Variants in CNTNAP2 observed in about 807,000 individuals in gnomAD.
The protein encoded by CNTNAP2 is contactin associated protein 2.
In CNTNAP2, 98 loss-of-function variants were observed where a neutral mutation model predicts 155.2. The observed-to-expected ratio is 0.63, with a 90% CI of 0.54 to 0.75. The LOEUF is 0.75. Ranked by LOEUF, CNTNAP2 falls within the 30% of genes least tolerant of loss-of-function variation. CNTNAP2 has a pLI of 0.00. For missense variants in CNTNAP2, 1,727 were observed against 1,688.1 expected (o/e 1.02, Z -0.40); for synonymous variants, 651 against 631.2 (o/e 1.03, Z -0.47).
intron 1 of CNTNAP2, among the ~76,000 whole-genome samples, chr7:146,721,338 A>G (rs1340124591): frequency 7.6e-6 from 1 of 131,502 alleles, no homozygotes; most frequent in African/African-American, 2.9e-5. Context: ...CATTCTATAT[A>G]CATTCTATAT....
intron 1 of CNTNAP2, among the ~76,000 whole-genome samples, chr7:146,462,774 C>T (rs543985112): frequency 2.6e-5 from 4 of 152,090 alleles, no homozygotes; most frequent in African/African-American, 9.7e-5. Flanking sequence ...CTCCTTGTAG[C>T]GGGGAATAGT....
intron 1 of CNTNAP2, among the ~76,000 whole-genome samples, chr7:146,737,250 A>G (rs760603164): frequency 2.0e-5 from 3 of 152,148 alleles, no homozygotes; most frequent in Non-Finnish European, 4.4e-5. Flanking sequence ...TAACTATTCT[A>G]TGCATTACCT....
intron 1 of CNTNAP2, among the ~76,000 whole-genome samples, chr7:146,454,596 A>G (rs892325548): frequency 1.6e-4 from 24 of 151,832 alleles, no homozygotes; most frequent in Admixed American, 9.2e-4. Flanking sequence ...GAAGTATTGT[A>G]TAAATTAGTA....
At chr7:147,208,481 G>T (rs1215711884) in intron 8 of CNTNAP2, among the ~76,000 whole-genome samples, 1 of 152,036 alleles carries the variant, frequency 6.6e-6, no homozygotes, top group Non-Finnish European at 1.5e-5. Flanking sequence ...ATGGAAAAGT[G>T]CAGGGTCTAG....
intron 21 of CNTNAP2, among the ~76,000 whole-genome samples, chr7:148,361,618 C>T (rs758939561): frequency 2.8e-4 from 43 of 152,130 alleles, no homozygotes; most frequent in Non-Finnish European, 1.2e-4. Context: ...TGTGTGTCTG[C>T]GTCTTCTCTT....
intron 12 of CNTNAP2, among the ~76,000 whole-genome samples, chr7:147,636,724 A>G (rs1795186715): frequency 6.6e-6 from 1 of 152,110 alleles, no homozygotes; most frequent in Non-Finnish European, 1.5e-5. Context: ...CTCAACTAAT[A>G]TTTCTGAAGC....
chr7:146,964,452 G>A (rs1025460903), intron 3 of CNTNAP2, among the ~76,000 whole-genome samples: 2 of 152,154 alleles, frequency 1.3e-5, no homozygotes, highest in Non-Finnish European at 2.9e-5. Flanking sequence ...ACTGTGTTCA[G>A]CTCCTTAACA....
At chr7:148,217,226 A>G in intron 18 of CNTNAP2, 62 bp from the exon 19 acceptor site, 1 of 1,537,682 alleles carries the variant, frequency 6.5e-7, no homozygotes. Flanking sequence ...TGGAGAGGTC[A>G]TTGTAGGGTA....
rs915871698 is a variant in CNTNAP2 at position 148,368,913 on chromosome 7, A to G, written c.3476-14736A>G. On this transcript the variant is annotated intron_variant, in intron 21 of 23. Transcript: ENST00000361727. The stretch of plus-strand genomic sequence containing the variant: ...CTAGGTCAGGGGTCGAATTTTAACT[A>G]CCAGGCTTAGGTCAGGCGGGCCCAG... Among the ~76,000 whole-genome samples the G allele has an allele frequency of 5.3e-5, 8 of 152,234 alleles. 2 individuals are homozygous for G. The South Asian group carries it at 1.7e-3, about 32-fold the overall frequency.
chr7:146,926,384 C>T (rs1222802290), intron 3 of CNTNAP2, among the ~76,000 whole-genome samples: 5 of 152,030 alleles, frequency 3.3e-5, no homozygotes, highest in African/African-American at 1.2e-4. Context: ...AGAAAAATTT[C>T]CTCTGATATT....
At chr7:146,122,652 C>CCATTCATTCATT (rs10656546) in intron 1 of CNTNAP2, among the ~76,000 whole-genome samples, 42 of 151,124 alleles carry the variant, frequency 2.8e-4, no homozygotes, top group African/African-American at 4.6e-4. Context: ...CCAAACTCTC[C>CCATTCATTCATT]CATTCATTCA....
intron 1 of CNTNAP2, among the ~76,000 whole-genome samples, chr7:146,305,042 T>G (rs1306148096): frequency 6.6e-6 from 1 of 152,134 alleles, no homozygotes; most frequent in African/African-American, 2.4e-5. Flanking sequence ...ACAGACACCT[T>G]TTCTTCCACT....
At chr7:147,177,815 C>T (rs1378709725) in intron 8 of CNTNAP2, among the ~76,000 whole-genome samples, 1 of 152,110 alleles carries the variant, frequency 6.6e-6, no homozygotes, top group African/African-American at 2.4e-5. Context: ...GTAACTCTTA[C>T]TTCAATTTCT....
chr7:146,886,121 G>A (rs1795653405), intron 3 of CNTNAP2, among the ~76,000 whole-genome samples: 1 of 151,804 alleles, frequency 6.6e-6, no homozygotes, highest in Non-Finnish European at 1.5e-5. Flanking sequence ...CCTCAACCCT[G>A]CAATCAAAAC....
At chr7:147,422,361 T>A (rs528364358) in intron 10 of CNTNAP2, among the ~76,000 whole-genome samples, 12 of 151,548 alleles carry the variant, frequency 7.9e-5, no homozygotes, top group Non-Finnish European at 1.6e-4. Context: ...TGTATGTGTA[T>A]ATATACGGTA....
chr7:148,289,496 C>T (rs1193574083), intron 21 of CNTNAP2, among the ~76,000 whole-genome samples: 1 of 149,654 alleles, frequency 6.7e-6, no homozygotes, highest in Non-Finnish European at 1.5e-5. Context: ...CCAATAAACA[C>T]CAACTTACTT....
intron 3 of CNTNAP2, among the ~76,000 whole-genome samples, chr7:146,860,700 A>G (rs1328634639): frequency 6.6e-6 from 1 of 152,158 alleles, no homozygotes; most frequent in Non-Finnish European, 1.5e-5. Context: ...AAGCATCTAC[A>G]TTCATTTAAA....
At chr7:147,048,977 T>C (rs1022120692) in intron 4 of CNTNAP2, among the ~76,000 whole-genome samples, 1 of 152,216 alleles carries the variant, frequency 6.6e-6, no homozygotes, top group African/African-American at 2.4e-5. Flanking sequence ...TGTTTTGTGT[T>C]ACTATAACAG....
chr7:146,208,084 C>T (rs1798976786), intron 1 of CNTNAP2, among the ~76,000 whole-genome samples: 2 of 151,700 alleles, frequency 1.3e-5, no homozygotes, highest in South Asian at 4.2e-4. Context: ...TTTTTTAGTT[C>T]CTAAAGTATG....
Sources: allele counts gnomAD v4.1 joint callset (sites outside exome capture counted in the v4.1 genomes callset), GRCh38; gene constraint gnomAD v4.1.1; transcripts MANE v1.5; gene names NCBI Gene and HGNC (gene_info 2026-07-23, HGNC 2026-07-21).